PRR12: variants seen among roughly 807,000 people sequenced by gnomAD.
PRR12 encodes the protein proline rich 12, also known as proline-rich protein 12.
PRR12 carries 12 observed loss-of-function variants against 138.0 expected under a neutral mutation model. That is an observed-to-expected ratio of 0.09 (90% CI 0.06 to 0.14). The LOEUF (loss-of-function observed/expected upper bound fraction) is 0.14, where lower values mean the gene tolerates loss of function less well. PRR12 is among the 10% of genes least tolerant of loss of function. PRR12 has a pLI of 1.00. For synonymous variants in PRR12, 1,567 were observed against 1,291.7 expected, an observed-to-expected ratio of 1.21 and a Z score of -4.57; for missense variants, 2,692 against 2,861.3, an observed-to-expected ratio of 0.94 and a Z score of 1.35.
At position 49,616,133 on chromosome 19, in the gene PRR12, A is replaced by G. The variant is rs1473638998; in HGVS notation, c.5411A>G (p.Glu1804Gly). The G allele has an allele frequency of 1.9e-6, 3 of 1,567,354 alleles. No homozygotes were observed. The highest frequency in any genetic ancestry group is 2.6e-6 in the Non-Finnish European group (3 of 1,156,664). ...AAGAAGAGGAAGAAATGGCTGAAGG[A>G]GGCAGGCGGCAACGCTACAGCAGGC... ...PPKKRKKWLK[E>G]AGGNATAGGG... Residue 1804 changes from glutamate to glycine, a missense_variant, in exon 9 of 14, where the codon GAG becomes GGG. By Grantham distance (98) the Glu-to-Gly change is moderately conservative. Transcript: ENST00000418929. The surrounding 1 kb of genome is among the most constrained non-coding windows in gnomAD (Gnocchi z 4.2).
At chr19:49,605,006 A>G (rs1366626311) in intron 6 of PRR12, among the ~76,000 whole-genome samples, 1 of 151,472 alleles carries the variant, frequency 6.6e-6, no homozygotes, top group Non-Finnish European at 1.5e-5. Context: ...GGATCCCACC[A>G]TGGTTGGCTA....
At chr19:49,612,086 C>T (rs972694908) in intron 6 of PRR12, among the ~76,000 whole-genome samples, 1 of 151,892 alleles carries the variant, frequency 6.6e-6, no homozygotes, top group Admixed American at 6.6e-5. Flanking sequence ...CAAAAATTAG[C>T]TGAGCGTGGT....
rs1463843737 is a variant in PRR12 at position 49,596,952 on chromosome 19, A to G, written c.2617A>G (p.Ser873Gly). The G allele has an allele frequency of 3.9e-6, 6 of 1,550,866 alleles. No homozygotes were observed. Among genetic ancestry groups the G allele is most frequent in the Non-Finnish European group, 5.2e-6 (6 of 1,153,664 alleles). ...CAGCCCCCGCCTGCGACCCGAGGAG[A>G]GCCTGGATCCGCCAGGCGCCATGCA... ...APSPRLRPEE[S>G]LDPPGAMQEL... Residue 873 changes from serine to glycine, a missense_variant, in exon 4 of 14, where the codon AGC becomes GGC. By Grantham distance (56) the Ser-to-Gly change is moderately conservative. Around this residue, in one of 11 missense-constraint regions of PRR12, gnomAD observed 840 missense variants for 689.8 expected, o/e 1.22. Transcript: ENST00000418929. This position sits in a 1 kb window ranked among gnomAD's most constrained non-coding sequence, Gnocchi z 5.6.
At chr19:49,600,589 G>T (rs2080804777) in intron 5 of PRR12, among the ~76,000 whole-genome samples, 1 of 151,952 alleles carries the variant, frequency 6.6e-6, no homozygotes, top group African/African-American at 2.4e-5. Flanking sequence ...GGAGGTTGAG[G>T]CTGCAGTGAG....
chr19:49,608,502 C>T (rs566258924), intron 6 of PRR12, among the ~76,000 whole-genome samples: 8 of 152,048 alleles, frequency 5.3e-5, no homozygotes, highest in Non-Finnish European at 8.8e-5. Context: ...TCCCGAGTAG[C>T]GCAGACTACA....
intron 9 of PRR12, among the ~76,000 whole-genome samples, chr19:49,617,026 G>A (rs566767064): frequency 6.3e-4 from 95 of 151,830 alleles, no homozygotes; most frequent in African/African-American, 2.3e-3. Context: ...GCTACTCAAC[G>A]AGGCTGAGGC....
At chr19:49,623,507 C>T (rs1294757545) in intron 11 of PRR12, among the ~76,000 whole-genome samples, 1 of 152,008 alleles carries the variant, frequency 6.6e-6, no homozygotes, top group Non-Finnish European at 1.5e-5. Context: ...TGGTGGGTGC[C>T]TGTAGTCCCA....
chr19:49,591,361 G>A lies in PRR12; in HGVS notation c.-294G>A, dbSNP rs1414669887. ...TTCTCTCGCAAGCGCCGGGGCAAAG[G>A]CGGAGACAGCGGGGTCCCTCCTCCC... is the stretch of plus-strand genomic sequence containing the variant. On this transcript the variant is annotated 5_prime_UTR_variant, in exon 1 of 14. Transcript: ENST00000418929. Among the ~76,000 whole-genome samples, 1 of 147,024 alleles carries A rather than the reference G, an allele frequency of 6.8e-6. No individual in the cohort carries two copies. Among genetic ancestry groups the A allele is most frequent in the Non-Finnish European group, 1.5e-5 (1 of 66,096 alleles).
At chr19:49,623,296 T>G (rs1461381733) in intron 11 of PRR12, among the ~76,000 whole-genome samples, 1 of 151,974 alleles carries the variant, frequency 6.6e-6, no homozygotes, top group Non-Finnish European at 1.5e-5. Context: ...TTAGAGTAGG[T>G]CTGAGAAGTA....
chr19:49,592,642 CTA>C (rs1434293837), intron 1 of PRR12, among the ~76,000 whole-genome samples: 2 of 152,120 alleles, frequency 1.3e-5, no homozygotes, highest in Non-Finnish European at 2.9e-5. Flanking sequence ...ATTCCTCCGT[CTA>C]TATCTTTTCT....
chr19:49,593,164 C>G (rs10404887), intron 1 of PRR12, among the ~76,000 whole-genome samples, 163 bp from the exon 2 acceptor site: 49,122 of 151,852 alleles, frequency 0.32, 9,075 homozygotes, highest in African/African-American at 0.51. Context: ...TTGAGCACCC[C>G]GATTCCCTTG....
chr19:49,591,618 CCCT>C lies in PRR12; in HGVS notation c.-34_-32del. 3 of 547,338 alleles carry C rather than the reference CCCT, an allele frequency of 5.5e-6. No homozygotes were observed. Among genetic ancestry groups the C allele is most frequent in the Non-Finnish European group, 6.3e-6 (2 of 318,418 alleles). 33.9% of individuals were successfully genotyped at this position (547,338 alleles called of 1,614,324 possible). A position where few individuals can be genotyped will look rare whatever the true frequency, so the allele number is the denominator to read the frequency against. On this transcript the variant is annotated 5_prime_UTR_variant, in exon 1 of 14. Coordinates refer to ENST00000418929, the MANE Select transcript of PRR12 (RefSeq NM_020719.3). The stretch of plus-strand genomic sequence containing the variant: ...GCGCGCGCCCCCTCCCTCCCTCCCT[CCCT>C]CCCCCTCCCCCCAATTTCCACCGCG...
Position 49,625,155 on chromosome 19 carries a change from G to C in PRR12, c.5919G>C (p.Ser1973=), listed in dbSNP as rs760055506. ...CGGGATACTATACACTCTACCATTC[G>C]CTCCACCACTATAAATACCACACCT... ...EKSGYYTLYH[S]LHHYKYHTFL... is the part of the protein sequence containing the mutation. Residue 1973 remains serine, a synonymous_variant, in exon 13 of 14, where the codon TCG becomes TCC. Coordinates refer to ENST00000418929, the MANE Select transcript of PRR12 (RefSeq NM_020719.3). The surrounding 1 kb of genome is among the most constrained non-coding windows in gnomAD (Gnocchi z 5.5). 3 of 1,613,580 alleles carry C rather than the reference G, an allele frequency of 1.9e-6. No individual in the cohort carries two copies. Among genetic ancestry groups the C allele is most frequent in the Non-Finnish European group, 1.7e-6 (2 of 1,179,748 alleles).
At chr19:49,608,963 T>C (rs572886759) in intron 6 of PRR12, among the ~76,000 whole-genome samples, 1 of 152,144 alleles carries the variant, frequency 6.6e-6, no homozygotes, top group South Asian at 2.1e-4. Flanking sequence ...CAACTGGGAC[T>C]GTTGTTGGGG....
chr19:49,609,133 G>A (rs117514114), intron 6 of PRR12, among the ~76,000 whole-genome samples: 6,062 of 152,190 alleles, frequency 0.04, 143 homozygotes, highest in South Asian at 0.12. Context: ...AGTCAACATG[G>A]CGAAATCCTG....
Position 49,601,607 on chromosome 19 carries a change from C to T in PRR12, c.4462C>T (p.Leu1488=). 6.5e-7 allele frequency: 1 copy of T among 1,543,046 alleles called. No homozygotes were observed. Among genetic ancestry groups the T allele is most frequent in the African/African-American group, 1.4e-5 (1 of 72,892 alleles). Residue 1488 remains leucine, a synonymous_variant, in exon 6 of 14, where the codon CTG becomes TTG. Transcript: ENST00000418929. ...PQPALPSPPP[L]VAPTPSSPPP... ...GCCAGCCCTGCCCTCGCCACCCCCG[C>T]TGGTGGCCCCCACGCCCAGCTCACC...
rs2080813329 is a variant in PRR12 at position 49,601,798 on chromosome 19, G to A, written c.4653G>A (p.Lys1551=). 1.2e-6 allele frequency: 2 copies of A among 1,611,022 alleles called. No individual in the cohort carries two copies. The highest frequency in any genetic ancestry group is 1.7e-6 in the Non-Finnish European group (2 of 1,179,534). ...PDTRPLHLAK[K]QETAAVCGET... ...CCCGGCCCCTGCATCTGGCCAAAAA[G>A]CAGGAGACGGCGGCAGTGTGTGGGG... The change falls in exon 6 of 14, where the codon AAG becomes AAA. Residue 1551 remains lysine, a synonymous_variant. Transcript: ENST00000418929.
At position 49,621,434 on chromosome 19, in the gene PRR12, G is replaced by A. The variant is rs2080922955; in HGVS notation, c.5624-91G>A. On this transcript the variant is annotated intron_variant, in intron 10 of 13. Transcript: ENST00000418929. Reference sequence around the variant, plus strand: ...TGTACTTTTGTCTCTGAGTGGGAAGGGGATTTGGGGACCCAGACTCCATGA... The same window carrying A: ...TGTACTTTTGTCTCTGAGTGGGAAGAGGATTTGGGGACCCAGACTCCATGA... 3.0e-6 allele frequency: 3 copies of A among 1,001,972 alleles called. No individual in the cohort carries two copies. The South Asian group carries it at 4.2e-5, about 14-fold the overall frequency. The allele number at this position is 1,001,972 out of a possible 1,614,324, so 62.1% of individuals were successfully genotyped here. A position where few individuals can be genotyped will look rare whatever the true frequency, so the allele number is the denominator to read the frequency against.
intron 4 of PRR12, among the ~76,000 whole-genome samples, chr19:49,598,942 G>A (rs1316939123): frequency 6.6e-6 from 1 of 152,138 alleles, no homozygotes; most frequent in African/African-American, 2.4e-5. Context: ...TTACAGGCAC[G>A]AGCCACCTCA....
Sources: allele counts gnomAD v4.1 joint callset (sites outside exome capture counted in the v4.1 genomes callset), GRCh38; gene constraint gnomAD v4.1.1; regional missense constraint gnomAD v4.1.1; non-coding constraint Gnocchi (gnomAD v3.1); transcripts MANE v1.5; gene names NCBI Gene and HGNC (gene_info 2026-07-23, HGNC 2026-07-21).